PRKCA: variants seen among roughly 807,000 people sequenced by gnomAD.
PRKCA encodes the protein protein kinase C alpha type.
In PRKCA, 27 loss-of-function variants were observed where a neutral mutation model predicts 87.0. That is an observed-to-expected ratio of 0.31 (90% CI 0.23 to 0.43). PRKCA has a LOEUF of 0.43. Ranked by LOEUF, PRKCA falls within the 20% of genes least tolerant of loss-of-function variation. The pLI is 1.00. For missense variants in PRKCA, 518 were observed against 852.3 expected (o/e 0.61, Z 4.88); for synonymous variants, 329 against 311.1 (o/e 1.06, Z -0.61).
chr17:66,537,674 T>C (rs1435645110), intron 3 of PRKCA, among the ~76,000 whole-genome samples: 1 of 152,206 alleles, frequency 6.6e-6, no homozygotes, highest in Admixed American at 6.5e-5. Flanking sequence ...AGTAGAAAAA[T>C]ACCAACGTTT....
chr17:66,448,623 TAA>T (rs1335109294), intron 2 of PRKCA, among the ~76,000 whole-genome samples: 3 of 152,198 alleles, frequency 2.0e-5, no homozygotes, highest in Non-Finnish European at 2.9e-5. Context: ...TAGAAGTGCA[TAA>T]TTCACGTTAT....
chr17:66,427,251 T>G (rs1457378214), intron 2 of PRKCA, among the ~76,000 whole-genome samples: 1 of 152,194 alleles, frequency 6.6e-6, no homozygotes, highest in African/African-American at 2.4e-5. Context: ...AGGCTGGTTT[T>G]GAACTCCTAA....
intron 2 of PRKCA, among the ~76,000 whole-genome samples, chr17:66,457,164 T>C (rs1463173659): frequency 6.6e-6 from 1 of 152,198 alleles, no homozygotes; most frequent in Non-Finnish European, 1.5e-5. Flanking sequence ...AGTCGTCGTC[T>C]TGGCCTGTTT....
chr17:66,344,183 T>C (rs901819734), intron 2 of PRKCA, among the ~76,000 whole-genome samples: 1 of 152,154 alleles, frequency 6.6e-6, no homozygotes, highest in African/African-American at 2.4e-5. Flanking sequence ...CTATTCGGCA[T>C]TTTAGAAGGG....
Position 66,580,272 on chromosome 17 carries a change from C to T in PRKCA, c.289-61083C>T, listed in dbSNP as rs574964076. On this transcript the variant is annotated intron_variant, in intron 3 of 16. Coordinates refer to ENST00000413366, the MANE Select transcript of PRKCA (RefSeq NM_002737.3). ...TAGCCTGAGTGACCAGCATTACTCC[C>T]CTAGCTCCACATTCTTAGGGAGTCA... is the stretch of plus-strand genomic sequence containing the variant. 2.0e-5 allele frequency among the ~76,000 whole-genome samples: 3 copies of T among 152,296 alleles called. No homozygotes were observed. The South Asian group carries it at 6.2e-4, about 32-fold the overall frequency.
intron 3 of PRKCA, among the ~76,000 whole-genome samples, chr17:66,545,313 C>T (rs1968115709): frequency 6.6e-6 from 1 of 152,148 alleles, no homozygotes. Flanking sequence ...CCTGTAGTCC[C>T]AGCTACTCAG....
chr17:66,464,030 A>C (rs1914976106), intron 2 of PRKCA, among the ~76,000 whole-genome samples: 1 of 152,154 alleles, frequency 6.6e-6, no homozygotes, highest in African/African-American at 2.4e-5. Context: ...CTCCACCAAT[A>C]GAAGATCCCT....
At chr17:66,510,163 T>C (rs1917160894) in intron 3 of PRKCA, among the ~76,000 whole-genome samples, 1 of 152,194 alleles carries the variant, frequency 6.6e-6, no homozygotes. Context: ...TTCTCTCCCT[T>C]GGACACTCCT....
chr17:66,711,682 A>G (rs1391979130), intron 8 of PRKCA, among the ~76,000 whole-genome samples: 1 of 152,142 alleles, frequency 6.6e-6, no homozygotes, highest in East Asian at 1.9e-4. Flanking sequence ...CAAACTGGAA[A>G]ATTTAAACCC....
chr17:66,492,394 T>C (rs943479617), intron 2 of PRKCA, among the ~76,000 whole-genome samples: 1 of 152,194 alleles, frequency 6.6e-6, no homozygotes, highest in African/African-American at 2.4e-5. Context: ...CATAATTGCA[T>C]TGACCTGCAA....
At position 66,789,007 on chromosome 17, in the gene PRKCA, G is replaced by A. The variant is rs754823860; in HGVS notation, c.1854+28G>A. On this transcript the variant is annotated intron_variant, in intron 16 of 16. Transcript: ENST00000413366. ...GAGTCCAGAAAAGCAGCCTGTTTTC[G>A]GAACCCCATGTCCCCAAATTCTGGG... 2.6e-5 allele frequency: 42 copies of A among 1,613,152 alleles called. 1 individual carries two copies. Among genetic ancestry groups the A allele is most frequent in the Admixed American group, 2.2e-4 (13 of 59,828 alleles).
intron 3 of PRKCA, among the ~76,000 whole-genome samples, chr17:66,572,862 T>C (rs8067797): frequency 0.47 from 71,597 of 151,934 alleles, 17,460 homozygotes; most frequent in African/African-American, 0.6. Context: ...TAGTATGAGA[T>C]GAATATCTGT....
chr17:66,735,626 G>C lies in PRKCA; in HGVS notation c.1194G>C (p.Pro398=), dbSNP rs761333063. The change falls in exon 10 of 17, where the codon CCG becomes CCC. Residue 398 remains proline (P), a synonymous_variant. Transcript: ENST00000413366. ...TCTTGGCCCTGCTTGACAAACCCCCGTTCTTGACGCAGCTGCACTCCTGCT... is the reference window on the plus strand; with the variant it reads ...TCTTGGCCCTGCTTGACAAACCCCCCTTCTTGACGCAGCTGCACTCCTGCT... ...KRVLALLDKP[P]FLTQLHSCFQ... 1 of 1,613,984 alleles carries C rather than the reference G, an allele frequency of 6.2e-7. No homozygotes were observed. Among genetic ancestry groups the C allele is most frequent in the African/African-American group, 1.3e-5 (1 of 74,898 alleles).
intron 3 of PRKCA, among the ~76,000 whole-genome samples, chr17:66,578,904 G>T (rs771555468): frequency 1.3e-5 from 2 of 152,194 alleles, no homozygotes; most frequent in African/African-American, 4.8e-5. Context: ...GTGGCTCCCC[G>T]CGCAGCTCGC....
chr17:66,710,315 A>G (rs1312120033), intron 8 of PRKCA, among the ~76,000 whole-genome samples: 2 of 151,954 alleles, frequency 1.3e-5, no homozygotes, highest in Admixed American at 6.5e-5. Context: ...TGCCTGCATC[A>G]TAATTGGAAC....
intron 3 of PRKCA, among the ~76,000 whole-genome samples, chr17:66,622,841 A>G (rs1970727343): frequency 6.6e-6 from 1 of 152,216 alleles, no homozygotes; most frequent in Non-Finnish European, 1.5e-5. Flanking sequence ...ACTTACTACT[A>G]CAAGAACAGT....
intron 3 of PRKCA, among the ~76,000 whole-genome samples, chr17:66,520,152 A>T: frequency 1.4e-5 from 2 of 143,272 alleles, no homozygotes. Context: ...TTTTAGACAG[A>T]GTCTTGCTCT....
At chr17:66,604,233 G>C (rs1970145034) in intron 3 of PRKCA, among the ~76,000 whole-genome samples, 1 of 150,576 alleles carries the variant, frequency 6.6e-6, no homozygotes, top group Non-Finnish European at 1.5e-5. Flanking sequence ...GGTAAGCTTT[G>C]GTGACATCTG....
In PRKCA at chr17:66,550,372, C is replaced by T. The variant is rs76968060; in HGVS notation, c.288+54089C>T. 9.5e-3 allele frequency among the ~76,000 whole-genome samples: 1,446 copies of T among 152,148 alleles called. 27 individuals are homozygous for T. The highest frequency in any genetic ancestry group is 0.032 in the African/African-American group (1,345 of 41,512). ...GGCAGGTTAAAGAAGGCTCTGGGTCCGGGTGCAGTGGTCCATGTCTGTAAT... is the reference window on the plus strand; with the variant it reads ...GGCAGGTTAAAGAAGGCTCTGGGTCTGGGTGCAGTGGTCCATGTCTGTAAT... On this transcript the variant is annotated intron_variant, in intron 3 of 16. Transcript: ENST00000413366.
Sources: allele counts gnomAD v4.1 joint callset (sites outside exome capture counted in the v4.1 genomes callset), GRCh38; gene constraint gnomAD v4.1.1; transcripts MANE v1.5; gene names NCBI Gene and HGNC (gene_info 2026-07-23, HGNC 2026-07-21).